Variants in SEPTIN9 observed in about 807,000 individuals in gnomAD.
SEPTIN9 encodes septin 9, also known as septin-9.
A neutral mutation model predicts 56.6 loss-of-function variants in SEPTIN9; 13 were observed. The observed-to-expected ratio is 0.23, with a 90% CI of 0.15 to 0.37. The LOEUF is 0.37. Among genes scored for constraint, SEPTIN9 ranks in the 10% least tolerant of loss-of-function variants. The probability of loss-of-function intolerance (pLI) is 1.00; values close to 1 mark genes in which losing one functional copy is unlikely to be tolerated. For missense variants in SEPTIN9, 650 were observed against 823.1 expected (o/e 0.79, Z 2.57); for synonymous variants, 332 against 334.1 (o/e 0.99, Z 0.07).
intron 2 of SEPTIN9, among the ~76,000 whole-genome samples, chr17:77,343,003 G>GTCTGTCTGTCTGTCTGTCTGTCTA (rs71160228): frequency 2.5e-4 from 37 of 147,254 alleles, no homozygotes; most frequent in African/African-American, 9.5e-4. Flanking sequence ...CTGTCTGTCT[G>GTCTGTCTGTCTGTCTGTCTGTCTA]TCTATCTATC....
At position 77,371,844 on chromosome 17, in the gene SEPTIN9, TGAGG is replaced by T. The variant is rs1289152284; in HGVS notation, c.77-30207_77-30204del. ...AAAATAGTTCAAAATATCCAAAGCA[TGAGG>T]GAGGGAGTGCCTGCTTTTCTTAAAA... On this transcript the variant is annotated intron_variant, in intron 2 of 11. Transcript: ENST00000427177. The surrounding 1 kb of genome is among the most constrained non-coding windows in gnomAD (Gnocchi z 4.1). 1.3e-5 allele frequency among the ~76,000 whole-genome samples: 2 copies of T among 152,158 alleles called. No individual in the cohort carries two copies. The highest frequency in any genetic ancestry group is 6.5e-5 in the Admixed American group (1 of 15,280).
intron 2 of SEPTIN9, among the ~76,000 whole-genome samples, chr17:77,359,433 G>T (rs1479269679): frequency 6.6e-6 from 1 of 152,236 alleles, no homozygotes; most frequent in Non-Finnish European, 1.5e-5. Context: ...CCAATCAGGA[G>T]CCACAAATGC....
At chr17:77,411,576 A>G (rs2036301302) in intron 3 of SEPTIN9, among the ~76,000 whole-genome samples, 1 of 151,438 alleles carries the variant, frequency 6.6e-6, no homozygotes, top group Non-Finnish European at 1.5e-5. Context: ...TAATTTTTGT[A>G]TTTTTAGTAG....
At chr17:77,316,897 C>A (rs1241651153) in intron 2 of SEPTIN9, among the ~76,000 whole-genome samples, 2 of 152,014 alleles carry the variant, frequency 1.3e-5, no homozygotes, top group Admixed American at 6.6e-5. Context: ...TACTTTTTCT[C>A]TTGTTTCTAA....
intron 3 of SEPTIN9, among the ~76,000 whole-genome samples, chr17:77,428,041 C>T (rs951358650): frequency 1.3e-5 from 2 of 152,234 alleles, no homozygotes; most frequent in African/African-American, 4.8e-5. Flanking sequence ...GCATGCCAGC[C>T]ACCAAGCTCA....
intron 3 of SEPTIN9, among the ~76,000 whole-genome samples, chr17:77,470,083 C>A (rs1331225657): frequency 6.7e-6 from 1 of 150,330 alleles, no homozygotes; most frequent in South Asian, 2.1e-4. Flanking sequence ...ACCCATCTAT[C>A]CATCCACTCA....
At chr17:77,406,660 TTG>T (rs2036087464) in intron 3 of SEPTIN9, among the ~76,000 whole-genome samples, 1 of 150,302 alleles carries the variant, frequency 6.7e-6, no homozygotes, top group Admixed American at 6.6e-5. Flanking sequence ...TTGTTTTTTT[TTG>T]TGTTTTTTTT....
intron 2 of SEPTIN9, among the ~76,000 whole-genome samples, chr17:77,316,063 C>T (rs1488804228): frequency 6.6e-6 from 1 of 152,200 alleles, no homozygotes; most frequent in Non-Finnish European, 1.5e-5. Context: ...CCGGCTCCCT[C>T]ACTGTAGGAT....
chr17:77,324,582 A>G (rs935562405), intron 2 of SEPTIN9, among the ~76,000 whole-genome samples: 21 of 152,080 alleles, frequency 1.4e-4, no homozygotes, highest in African/African-American at 4.1e-4. Flanking sequence ...TTGATTTGCA[A>G]TTCCCCAGTG....
chr17:77,292,086 T>C (rs932201337), intron 1 of SEPTIN9, among the ~76,000 whole-genome samples: 1 of 152,136 alleles, frequency 6.6e-6, no homozygotes, highest in Admixed American at 6.5e-5. Context: ...CCCTTCCCCA[T>C]CTCTTCCTCG....
At chr17:77,340,282 A>G (rs2033686416) in intron 2 of SEPTIN9, among the ~76,000 whole-genome samples, 1 of 151,530 alleles carries the variant, frequency 6.6e-6, no homozygotes, top group Non-Finnish European at 1.5e-5. Context: ...CTGGAATTAC[A>G]GGCGTGTGAC....
In SEPTIN9 at chr17:77,437,382, G is replaced by A. The variant is rs1416432222; in HGVS notation, c.721+34679G>A. Among the ~76,000 whole-genome samples the A allele has an allele frequency of 6.6e-6, 1 of 152,066 alleles. No individual in the cohort carries two copies. Among genetic ancestry groups the A allele is most frequent in the Non-Finnish European group, 1.5e-5 (1 of 68,008 alleles). On this transcript the variant is annotated intron_variant, in intron 3 of 11. Transcript: ENST00000427177. The surrounding 1 kb of genome is among the most constrained non-coding windows in gnomAD (Gnocchi z 5.3). ...CCCAGGAGCTCCCTATGGGGAAGCC[G>A]GAATGGACCTGGGCTCAGAGATTGT...
intron 2 of SEPTIN9, among the ~76,000 whole-genome samples, chr17:77,350,455 G>A (rs367640509): frequency 6.6e-6 from 1 of 152,350 alleles, no homozygotes; most frequent in South Asian, 2.1e-4. Context: ...TTCCTTCTCT[G>A]TGAGAGAGAC....
chr17:77,294,238 G>T (rs2031703703), intron 1 of SEPTIN9, among the ~76,000 whole-genome samples: 1 of 152,114 alleles, frequency 6.6e-6, no homozygotes, highest in African/African-American at 2.4e-5. Flanking sequence ...GGTCAACATG[G>T]TGAAACCCCA....
intron 1 of SEPTIN9, among the ~76,000 whole-genome samples, chr17:77,300,423 G>A (rs2031987998): frequency 6.6e-6 from 1 of 152,162 alleles, no homozygotes; most frequent in Admixed American, 6.5e-5. Flanking sequence ...TGGGGGCAAG[G>A]CCAGGAGGGC....
intron 1 of SEPTIN9, among the ~76,000 whole-genome samples, chr17:77,295,791 C>A (rs963760031): frequency 2.0e-5 from 3 of 152,008 alleles, no homozygotes; most frequent in African/African-American, 7.2e-5. Flanking sequence ...CCCCACCGCC[C>A]CCCACCCCAC....
At chr17:77,413,474 G>A (rs751063222) in intron 3 of SEPTIN9, among the ~76,000 whole-genome samples, 5 of 152,146 alleles carry the variant, frequency 3.3e-5, no homozygotes, top group Admixed American at 6.5e-5. Flanking sequence ...AGTGTGCAGC[G>A]CGGTGATTGA....
chr17:77,416,417 C>G (rs890486946), intron 3 of SEPTIN9, among the ~76,000 whole-genome samples: 1 of 152,212 alleles, frequency 6.6e-6, no homozygotes, highest in Non-Finnish European at 1.5e-5. Context: ...GAGCCCCCGG[C>G]CCTCTGAACG....
At chr17:77,311,741 G>C (rs2032500782) in intron 2 of SEPTIN9, among the ~76,000 whole-genome samples, 2 of 152,180 alleles carry the variant, frequency 1.3e-5, no homozygotes, top group Admixed American at 6.5e-5. Flanking sequence ...AATGCACAGA[G>C]TAGCTGCTCA....
Sources: gnomAD v4.1 joint callset for allele counts (sites outside exome capture counted in the v4.1 genomes callset) on GRCh38, gnomAD v4.1.1 for gene constraint, Gnocchi (gnomAD v3.1) non-coding constraint, MANE v1.5 for transcripts, NCBI Gene and HGNC (gene_info 2026-07-23, HGNC 2026-07-21) for gene names.